The following ATP8A2 variants were observed in gnomAD, a reference collection of about 807,000 sequenced individuals.
ATP8A2 encodes the protein phospholipid-transporting ATPase IB.
Under a neutral mutation model 165.6 loss-of-function variants are expected in ATP8A2, and 100 were observed. That is an observed-to-expected ratio of 0.60 (90% confidence interval 0.51 to 0.71). The LOEUF is 0.71. Ranked by LOEUF, ATP8A2 falls within the 30% of genes least tolerant of loss-of-function variation. The pLI is 0.00. For synonymous variants in ATP8A2, 543 were observed against 548.8 expected (o/e 0.99, Z 0.15); for missense variants, 1,227 against 1,479.5 (o/e 0.83, Z 2.80).
intron 33 of ATP8A2, among the ~76,000 whole-genome samples, chr13:25,899,112 C>T (rs537984864): frequency 3.9e-5 from 6 of 152,366 alleles, no homozygotes; most frequent in African/African-American, 1.4e-4. Flanking sequence ...CACCCGTCTT[C>T]TGTGTCGCTC....
chr13:25,531,248 TATATG>T (rs2038045472), intron 4 of ATP8A2, among the ~76,000 whole-genome samples: 1 of 16,166 alleles, frequency 6.2e-5, no homozygotes, highest in Non-Finnish European at 1.1e-4. Flanking sequence ...ATATATGTTA[TATATG>T]ATATATATGA....
At chr13:25,734,217 T>C (rs181081746) in intron 25 of ATP8A2, among the ~76,000 whole-genome samples, 1 of 152,342 alleles carries the variant, frequency 6.6e-6, no homozygotes, top group East Asian at 1.9e-4. Context: ...CCCTCCTTCC[T>C]AATTACCTTC....
chr13:26,001,625 T>C (rs1956632876), intron 35 of ATP8A2, among the ~76,000 whole-genome samples: 1 of 152,222 alleles, frequency 6.6e-6, no homozygotes, highest in Admixed American at 6.5e-5. Context: ...TAATGACTAA[T>C]GATACTGATT....
At chr13:25,603,376 A>T (rs1028055938) in intron 24 of ATP8A2, among the ~76,000 whole-genome samples, 1 of 151,606 alleles carries the variant, frequency 6.6e-6, no homozygotes, top group Non-Finnish European at 1.5e-5. Flanking sequence ...CTGTAGTCTC[A>T]GCTACTTGGG....
chr13:25,961,439 G>GTGCATGGGTTACCTCTCAT (rs1955657813), intron 33 of ATP8A2, 136 bp from the exon 34 acceptor site: 1 of 673,286 alleles, frequency 1.5e-6, no homozygotes, highest in Non-Finnish European at 2.6e-6. Context: ...GGTCCTGCCA[G>GTGCATGGGTTACCTCTCAT]TGCATGGGTT....
intron 33 of ATP8A2, among the ~76,000 whole-genome samples, chr13:25,905,262 A>G (rs560882478): frequency 6.6e-6 from 1 of 152,284 alleles, no homozygotes; most frequent in South Asian, 2.1e-4. Context: ...AAAAATTTTT[A>G]AGGGATGCTT....
At chr13:25,522,439 A>G (rs144334649) in intron 2 of ATP8A2, among the ~76,000 whole-genome samples, 2 of 152,178 alleles carry the variant, frequency 1.3e-5, no homozygotes, top group Admixed American at 6.5e-5. Context: ...GACTTCCAAT[A>G]CTATGTTTAA....
At chr13:25,509,435 GA>G (rs1286348694) in intron 2 of ATP8A2, among the ~76,000 whole-genome samples, 2 of 151,912 alleles carry the variant, frequency 1.3e-5, no homozygotes, top group East Asian at 3.9e-4. Flanking sequence ...AATTTTCTAA[GA>G]AACTACCCAC....
intron 17 of ATP8A2, among the ~76,000 whole-genome samples, 159 bp downstream of exon 17, chr13:25,571,031 G>GT (rs1017084080): frequency 6.6e-5 from 10 of 152,192 alleles, no homozygotes; most frequent in Non-Finnish European, 1.5e-4. Context: ...GTGCAAAGCC[G>GT]TAGAGAGCCC....
At chr13:25,844,758 G>A (rs1309848236) in intron 30 of ATP8A2, among the ~76,000 whole-genome samples, 1 of 152,010 alleles carries the variant, frequency 6.6e-6, no homozygotes, top group Non-Finnish European at 1.5e-5. Flanking sequence ...TTTGACCGGG[G>A]GCTGAAGTCC....
chr13:25,502,011 A>G (rs561748242), intron 2 of ATP8A2, among the ~76,000 whole-genome samples: 1 of 152,350 alleles, frequency 6.6e-6, no homozygotes, highest in South Asian at 2.1e-4. Context: ...GGGGAGCTCA[A>G]GAAAGGCATT....
At chr13:25,503,170 A>G (rs566547450) in intron 2 of ATP8A2, among the ~76,000 whole-genome samples, 3 of 152,308 alleles carry the variant, frequency 2.0e-5, no homozygotes, top group African/African-American at 7.2e-5. Context: ...CTCACTGTAT[A>G]GTTCAAACAG....
chr13:25,542,172 T>C, intron 9 of ATP8A2, 126 bp downstream of exon 9: 2 of 1,035,732 alleles, frequency 1.9e-6, no homozygotes, highest in Non-Finnish European at 2.7e-6. Flanking sequence ...ACCCTTTCAA[T>C]TAATTTAAAG....
chr13:25,608,499 T>G (rs185549405), intron 24 of ATP8A2, among the ~76,000 whole-genome samples: 532 of 42,844 alleles, frequency 0.012, 5 homozygotes, highest in African/African-American at 0.024. Flanking sequence ...TAAGTTCTGT[T>G]TGTGACAGTT....
chr13:25,459,581 T>G (rs1384676967), intron 1 of ATP8A2, among the ~76,000 whole-genome samples: 1 of 152,128 alleles, frequency 6.6e-6, no homozygotes, highest in Non-Finnish European at 1.5e-5. Flanking sequence ...ATGTGTGGTG[T>G]TAGGGAATAA....
intron 27 of ATP8A2, among the ~76,000 whole-genome samples, chr13:25,817,082 A>T (rs1951043182): frequency 1.3e-5 from 2 of 152,202 alleles, no homozygotes; most frequent in South Asian, 4.1e-4. Context: ...GGTTGGAAAC[A>T]GCTGTGTCAT....
At chr13:25,691,186 G>T (rs1389925194) in intron 24 of ATP8A2, among the ~76,000 whole-genome samples, 2 of 152,190 alleles carry the variant, frequency 1.3e-5, no homozygotes, top group African/African-American at 4.8e-5. Context: ...GCAGGGCCTG[G>T]AGTGAGGGAA....
At chr13:25,961,722 T>C in intron 34 of ATP8A2, 59 bp downstream of exon 34, 7 of 1,273,316 alleles carry the variant, frequency 5.5e-6, no homozygotes, top group Non-Finnish European at 8.0e-6. Context: ...TGGAATTGTC[T>C]TTCTCATGAG....
chr13:25,742,826 C>A (rs1432629254), intron 25 of ATP8A2, among the ~76,000 whole-genome samples: 4 of 151,922 alleles, frequency 2.6e-5, no homozygotes, highest in African/African-American at 9.7e-5. Flanking sequence ...AAGTTTGTCA[C>A]CCCTTCGAGT....
Sources: gnomAD v4.1 joint callset for allele counts (sites outside exome capture counted in the v4.1 genomes callset) on GRCh38, gnomAD v4.1.1 for gene constraint, MANE v1.5 for transcripts, NCBI Gene and HGNC (gene_info 2026-07-23, HGNC 2026-07-21) for gene names.